The following MUC3A variants were observed in gnomAD, a reference collection of about 807,000 sequenced individuals.
The protein encoded by MUC3A is mucin-3A.
In MUC3A, 109 loss-of-function variants were observed where a neutral mutation model predicts 109.0. That is an observed-to-expected ratio of 1.00 (90% CI 0.86 to 1.17). MUC3A has a LOEUF of 1.17. MUC3A is among the 50% of genes most tolerant of loss of function. MUC3A has a pLI of 0.00. For missense variants in MUC3A, 3,537 were observed against 2,469.4 expected (o/e 1.43, Z -9.16); for synonymous variants, 1,398 against 981.4 (o/e 1.42, Z -7.93).
intron 1 of MUC3A, among the ~76,000 whole-genome samples, chr7:100,950,249 T>G (rs1791896740): frequency 6.6e-6 from 1 of 152,308 alleles, no homozygotes; most frequent in African/African-American, 2.4e-5. Context: ...GTACAGCTGT[T>G]GGTACCAGGG....
At position 100,959,771 on chromosome 7, in the gene MUC3A, TA is replaced by T. The variant is rs1434302537; in HGVS notation, c.7993del (p.Arg2665GlyfsTer10). 1.9e-6 allele frequency: 3 copies of T among 1,597,812 alleles called. No homozygotes were observed. The East Asian group carries it at 6.7e-5, about 36-fold the overall frequency. On this transcript the variant is annotated frameshift_variant, in exon 2 of 12. Coordinates refer to ENST00000379458, the MANE Select transcript of MUC3A (RefSeq NM_005960.2). LOFTEE classifies it high-confidence loss of function. ...GTGAGTTCACTACAGAATCTTTCAC[TA>T]GGGGAAGTACGTCTACAAATGCAAT... is the stretch of plus-strand genomic sequence containing the variant. ...TSEFTTESFTRGSTSTNAILT... is the reference protein window; with the variant it reads ...TSEFTTESFTXGSTSTNAILT...
Position 100,966,540 on chromosome 7 carries a change from G to C in MUC3A, c.9766G>C (p.Gly3256Arg). ...GVRAVRSGWW[G>R]GQRRGRSWDQ... The stretch of plus-strand genomic sequence containing the variant: ...CCGGGCGGTGCGCTCCGGATGGTGG[G>C]GCGGCCAGCGCCGAGGCCGGTGAGC... Residue 3256 changes from glycine to arginine, a missense_variant, in exon 9 of 12, where the codon GGC (glycine) becomes CGC (arginine). Gly to Arg is a moderately radical substitution (Grantham distance 125). Transcript: ENST00000379458. The C allele has an allele frequency of 7.3e-7, 1 of 1,363,072 alleles. No individual in the cohort carries two copies. The highest frequency in any genetic ancestry group is 9.4e-7 in the Non-Finnish European group (1 of 1,069,498). The allele number at this position is 1,363,072 out of a possible 1,614,324, so 84.4% of individuals were successfully genotyped here.
Position 100,958,954 on chromosome 7 carries a change from T to C in MUC3A, c.7175T>C (p.Leu2392Pro), listed in dbSNP as rs1584804661. ...ACCCCCTTACACAGTACTCCTGGCCTCACTTCGTGGGTCACCACCACCAAG... is the reference window on the plus strand; with the variant it reads ...ACCCCCTTACACAGTACTCCTGGCCCCACTTCGTGGGTCACCACCACCAAG... Reference protein sequence around the residue: ...TETPLHSTPGLTSWVTTTKTT... With the variant: ...TETPLHSTPGPTSWVTTTKTT... Residue 2392 changes from leucine (L) to proline (P), a missense_variant, in exon 2 of 12, where the codon CTC (leucine) becomes CCC (proline). Transcript: ENST00000379458. The C allele has an allele frequency of 1.4e-6, 2 of 1,423,698 alleles. No individual in the cohort carries two copies. The highest frequency in any genetic ancestry group is 1.8e-6 in the Non-Finnish European group (2 of 1,090,194). 88.2% of individuals were successfully genotyped at this position (1,423,698 alleles called of 1,614,324 possible). A position where few individuals can be genotyped will look rare whatever the true frequency, so the allele number is the denominator to read the frequency against.
intron 3 of MUC3A, among the ~76,000 whole-genome samples, chr7:100,961,751 T>G (rs1792336677): frequency 1.3e-5 from 2 of 152,308 alleles, no homozygotes; most frequent in Non-Finnish European, 2.9e-5. Flanking sequence ...AGGTGGATAT[T>G]GCAGTAAAGC....
chr7:100,956,955 C>T lies in MUC3A; in HGVS notation c.5176C>T (p.Gln1726Ter). 1 of 422,612 alleles carries T rather than the reference C, an allele frequency of 2.4e-6. No individual in the cohort carries two copies. The highest frequency in any genetic ancestry group is 9.6e-5 in the South Asian group (1 of 10,364). 26.2% of individuals were successfully genotyped at this position (422,612 alleles called of 1,614,324 possible). The part of the protein sequence containing the change: ...SSTVATTGTG[Q>*]TTFTSSTATS... ...CACTGTAGCAACTACAGGCACAGGT[C>T]AGACTACATTCACCAGTTCAACAGC... Residue 1726 changes from glutamine (Q) to a stop codon, truncating the protein, a stop_gained, in exon 2 of 12, where the codon CAG (glutamine) becomes TAG (stop). Coordinates refer to ENST00000379458, the MANE Select transcript of MUC3A (RefSeq NM_005960.2). LOFTEE classifies it high-confidence loss of function.
chr7:100,963,910 T>A, intron 5 of MUC3A, 158 bp downstream of exon 5: 1 of 1,035,376 alleles, frequency 9.7e-7, no homozygotes, highest in Non-Finnish European at 1.4e-6. Flanking sequence ...CGGATCGTTT[T>A]CTGGGGCCAT....
Position 100,958,400 on chromosome 7 carries a change from C to CCCAGCTTCACTTCT in MUC3A, c.6621_6622insCCAGCTTCACTTCT (p.Ser2208ProfsTer91). The CCCAGCTTCACTTCT allele has an allele frequency of 8.6e-6, 1 of 116,056 alleles. No homozygotes were observed. The highest frequency in any genetic ancestry group is 1.5e-5 in the Non-Finnish European group (1 of 67,338). The allele number at this position is 116,056 out of a possible 1,614,324, so 7.2% of individuals were successfully genotyped here. ...CACACAGTACTCCCAGCTACATTAC[C>CCCAGCTTCACTTCT]TCAATCACCACCACCGAGACCCCCT... On this transcript the variant is annotated frameshift_variant, in exon 2 of 12. Transcript: ENST00000379458. LOFTEE classifies it high-confidence loss of function.
chr7:100,950,561 C>A (rs770239522), intron 1 of MUC3A, among the ~76,000 whole-genome samples: 1 of 152,308 alleles, frequency 6.6e-6, no homozygotes. Context: ...TAGGTTGAGA[C>A]GTGACACCCC....
chr7:100,963,073 T>G (rs936137415), intron 3 of MUC3A, 78 bp from the exon 4 acceptor site: 1 of 1,487,700 alleles, frequency 6.7e-7, no homozygotes. Context: ...GAGGAGCCTG[T>G]GGGTTGGGGT....
chr7:100,960,085 G>C lies in MUC3A; in HGVS notation c.8306G>C (p.Cys2769Ser). 1 of 1,520,476 alleles carries C rather than the reference G, an allele frequency of 6.6e-7. No homozygotes were observed. Among genetic ancestry groups the C allele is most frequent in the Admixed American group, 2.1e-5 (1 of 48,270 alleles). The allele number at this position is 1,520,476 out of a possible 1,614,324, so 94.2% of individuals were successfully genotyped here. A position where few individuals can be genotyped will look rare whatever the true frequency, so the allele number is the denominator to read the frequency against. Reference protein sequence around the residue: ...SYISLPSTTPCPGTITITIVP... With the variant: ...SYISLPSTTPSPGTITITIVP... ...ATTTCCCTTCCCTCCACCACACCCT[G>C]TCCAGGAACTATAACAATTACCATA... Residue 2769 changes from cysteine (C) to serine (S), a missense_variant, in exon 2 of 12, where the codon TGT becomes TCT. Physicochemically the swap from Cys to Ser is moderately radical, Grantham distance 112. Coordinates refer to ENST00000379458, the MANE Select transcript of MUC3A (RefSeq NM_005960.2).
chr7:100,964,839 C>A lies in MUC3A; in HGVS notation c.9378C>A (p.Ser3126=), dbSNP rs587599771. 1.3e-4 allele frequency: 206 copies of A among 1,597,084 alleles called. No individual in the cohort carries two copies. In the South Asian group the frequency reaches 2.1e-3, roughly 16 times the overall value. Residue 3126 remains serine (S), a synonymous_variant, in exon 6 of 12, where the codon TCC becomes TCA. Transcript: ENST00000379458. ...ASQDVNSCQD[S]QTLCFKPDSI... ...AGGATGTGAACAGCTGCCAGGACTC[C>A]CAGAGTGAGCCCAGGCTGGAGGGAG...
At position 100,952,030 on chromosome 7, in the gene MUC3A, A is replaced by G. The variant is rs533473240; in HGVS notation, c.251A>G (p.Asp84Gly). The G allele has an allele frequency of 3.8e-6, 6 of 1,598,682 alleles. No homozygotes were observed. Among genetic ancestry groups the G allele is most frequent in the Middle Eastern group, 1.7e-4 (1 of 6,060 alleles). ...ATGACACTCACTACCTCCCCCCATG[A>G]CACACTCATCTCTGAAACATTGCTC... ...APMTLTTSPH[D>G]TLISETLLNS... Residue 84 changes from aspartate (D) to glycine (G), a missense_variant, in exon 2 of 12, where the codon GAC becomes GGC. Asp to Gly is a moderately conservative substitution (Grantham distance 94). Transcript: ENST00000379458.
At position 100,963,763 on chromosome 7, in the gene MUC3A, C is replaced by T; in HGVS notation, c.9233+11C>T. On this transcript the variant is annotated intron_variant, in intron 5 of 11. Coordinates refer to ENST00000379458, the MANE Select transcript of MUC3A (RefSeq NM_005960.2). ...GATCCTGTCCCTGAGGTAGGAGACCCATCTGGGGATGCGGAGGCGGTGTTG... is the reference window on the plus strand; with the variant it reads ...GATCCTGTCCCTGAGGTAGGAGACCTATCTGGGGATGCGGAGGCGGTGTTG... 1.9e-6 allele frequency: 3 copies of T among 1,598,572 alleles called. No homozygotes were observed. The highest frequency in any genetic ancestry group is 2.5e-6 in the Non-Finnish European group (3 of 1,179,822).
In MUC3A at chr7:100,958,774, A is replaced by T. The variant is rs1584804183; in HGVS notation, c.6995A>T (p.Glu2332Val). 1 of 1,496,622 alleles carries T rather than the reference A, an allele frequency of 6.7e-7. No homozygotes were observed. Among genetic ancestry groups the T allele is most frequent in the African/African-American group, 1.5e-5 (1 of 65,868 alleles). 92.7% of individuals were successfully genotyped at this position (1,496,622 alleles called of 1,614,324 possible). A position where few individuals can be genotyped will look rare whatever the true frequency, so the allele number is the denominator to read the frequency against. ...TTCACTTCTTCGATCACCACCACCG[A>T]GACCACCTCACACAATACTCGCAGC... ...HSFTSSITTT[E>V]TTSHNTRSFT... is the part of the protein sequence containing the mutation. The change falls in exon 2 of 12, where the codon GAG (glutamate) becomes GTG (valine). Residue 2332 changes from glutamate to valine, a missense_variant. Transcript: ENST00000379458.
At chr7:100,963,856 G>GAT (rs1387465190) in intron 5 of MUC3A, 104 bp downstream of exon 5, 1 of 1,487,318 alleles carries the variant, frequency 6.7e-7, no homozygotes, top group Non-Finnish European at 9.1e-7. Flanking sequence ...TTTATAAAGA[G>GAT]GGGTGGAGGG....
chr7:100,959,980 C>T lies in MUC3A; in HGVS notation c.8201C>T (p.Ser2734Phe), dbSNP rs778701841. 2.0e-6 allele frequency: 3 copies of T among 1,507,770 alleles called. No individual in the cohort carries two copies. In the South Asian group the frequency reaches 4.0e-5, roughly 20 times the overall value. 93.4% of individuals were successfully genotyped at this position (1,507,770 alleles called of 1,614,324 possible). A position where few individuals can be genotyped will look rare whatever the true frequency, so the allele number is the denominator to read the frequency against. The change falls in exon 2 of 12, where the codon TCT (serine) becomes TTT (phenylalanine). Residue 2734 changes from serine (S) to phenylalanine (F), a missense_variant. Physicochemically the swap from Ser to Phe is radical, Grantham distance 155. Transcript: ENST00000379458. ...TCTATCACAGGCTTTCCTAGTCTCT[C>T]TTCCTCTGCAACTACCAGCACTTCT... is the stretch of plus-strand genomic sequence containing the variant. ...SASITGFPSL[S>F]SSATTSTSST...
rs587597270 is a variant in MUC3A, at chr7:100,964,507, C to T, written c.9234-188C>T. ...TCAATCATGTCAGTCATTCCTTGTCCTGCCTTCCCAGGCAGACCAAGTCAG... is the reference window on the plus strand; with the variant it reads ...TCAATCATGTCAGTCATTCCTTGTCTTGCCTTCCCAGGCAGACCAAGTCAG... On this transcript the variant is annotated intron_variant, in intron 5 of 11. Coordinates refer to ENST00000379458, the MANE Select transcript of MUC3A (RefSeq NM_005960.2). 7.7e-5 allele frequency: 71 copies of T among 927,634 alleles called. No homozygotes were observed. In the African/African-American group the frequency reaches 1.0e-3, roughly 13 times the overall value. 57.5% of individuals were successfully genotyped at this position (927,634 alleles called of 1,614,324 possible). A position where few individuals can be genotyped will look rare whatever the true frequency, so the allele number is the denominator to read the frequency against.
rs1338645638 is a variant in MUC3A, at chr7:100,957,048, G to A, written c.5269G>A (p.Val1757Met). Residue 1757 changes from valine (V) to methionine (M), a missense_variant, in exon 2 of 12, where the codon GTG (valine) becomes ATG (methionine). By Grantham distance (21) the Val-to-Met change is conservative. Coordinates refer to ENST00000379458, the MANE Select transcript of MUC3A (RefSeq NM_005960.2). Reference protein sequence around the residue: ...DISTGSFKTAVSSTPPITSSI... With the variant: ...DISTGSFKTAMSSTPPITSSI... ...TTCCACAGGATCTTTCAAAACAGCC[G>A]TGAGTTCTACTCCCCCCATCACTTC... 3.5e-5 allele frequency: 16 copies of A among 459,406 alleles called. No individual in the cohort carries two copies. Among genetic ancestry groups the A allele is most frequent in the South Asian group, 7.2e-5 (1 of 13,946 alleles). 28.5% of individuals were successfully genotyped at this position (459,406 alleles called of 1,614,324 possible).
chr7:100,960,764 A>G lies in MUC3A; in HGVS notation c.8879A>G (p.Asn2960Ser). The G allele has an allele frequency of 6.3e-7, 1 of 1,597,438 alleles. No homozygotes were observed. The highest frequency in any genetic ancestry group is 1.1e-5 in the South Asian group (1 of 90,962). ...CTGTGTTTTCCAGGCACCTGTGACAATGGTGGCACCTGGGAACAGGGCCAG... is the reference window on the plus strand; with the variant it reads ...CTGTGTTTTCCAGGCACCTGTGACAGTGGTGGCACCTGGGAACAGGGCCAG... ...TLTTTAGTCD[N>S]GGTWEQGQCA... Residue 2960 changes from asparagine to serine, a missense_variant, in exon 3 of 12, where the codon AAT becomes AGT. Physicochemically the swap from Asn to Ser is conservative, Grantham distance 46 (BLOSUM62 1). Transcript: ENST00000379458.
Sources: gnomAD v4.1 joint callset for allele counts (sites outside exome capture counted in the v4.1 genomes callset) on GRCh38, gnomAD v4.1.1 for gene constraint, MANE v1.5 for transcripts, NCBI Gene and HGNC (gene_info 2026-07-23, HGNC 2026-07-21) for gene names.